GALNTL6: variants seen among roughly 807,000 people sequenced by gnomAD.
The protein encoded by GALNTL6 is polypeptide N-acetylgalactosaminyltransferase-like 6.
In GALNTL6, 46 loss-of-function variants were observed where a neutral mutation model predicts 73.7. The ratio of observed to expected loss-of-function variants is 0.62; its 90% CI spans 0.49 to 0.80. The LOEUF (loss-of-function observed/expected upper bound fraction) is 0.80, where lower values mean the gene tolerates loss of function less well. Ranked by LOEUF, GALNTL6 falls within the 30% of genes least tolerant of loss-of-function variation. The pLI is 0.00. For synonymous variants in GALNTL6, 259 were observed against 263.7 expected (o/e 0.98, Z 0.17); for missense variants, 604 against 755.0 (o/e 0.80, Z 2.34).
At chr4:172,902,225 G>C (rs1318481400) in intron 8 of GALNTL6, among the ~76,000 whole-genome samples, 2 of 152,042 alleles carry the variant, frequency 1.3e-5, no homozygotes, top group Non-Finnish European at 2.9e-5. Flanking sequence ...ACCACCACAA[G>C]TCTCTAATTT....
chr4:171,869,170 T>G (rs111594531), intron 2 of GALNTL6, among the ~76,000 whole-genome samples: 17 of 152,292 alleles, frequency 1.1e-4, no homozygotes, highest in African/African-American at 4.1e-4. Context: ...TTTTTATAAT[T>G]CTCAGAGGAA....
At chr4:171,904,813 T>A (rs1483277030) in intron 2 of GALNTL6, among the ~76,000 whole-genome samples, 7 of 152,060 alleles carry the variant, frequency 4.6e-5, no homozygotes, top group African/African-American at 1.7e-4. Context: ...AAACTCTACA[T>A]GCCAGAAGAG....
At chr4:171,893,653 C>A (rs1393054119) in intron 2 of GALNTL6, among the ~76,000 whole-genome samples, 1 of 151,912 alleles carries the variant, frequency 6.6e-6, no homozygotes, top group Admixed American at 6.6e-5. Flanking sequence ...TTAATTGAAG[C>A]AAAATGCTTT....
chr4:171,825,838 G>A (rs1256700654), intron 2 of GALNTL6, among the ~76,000 whole-genome samples: 2 of 152,082 alleles, frequency 1.3e-5, no homozygotes, highest in African/African-American at 4.8e-5. Flanking sequence ...CTTTTGCTTC[G>A]TAAAAAACAT....
intron 5 of GALNTL6, among the ~76,000 whole-genome samples, chr4:172,357,996 A>G (rs1199675526): frequency 6.6e-6 from 1 of 151,852 alleles, no homozygotes; most frequent in East Asian, 1.9e-4. Flanking sequence ...CCAAGTTGAA[A>G]CTCTGCTTCT....
At chr4:172,203,429 G>A (rs1482577692) in intron 2 of GALNTL6, among the ~76,000 whole-genome samples, 1 of 152,098 alleles carries the variant, frequency 6.6e-6, no homozygotes, top group African/African-American at 2.4e-5. Flanking sequence ...AACGATGGCG[G>A]TATTTTAAAA....
chr4:173,038,967 G>A (rs148581593), intron 12 of GALNTL6, among the ~76,000 whole-genome samples: 94 of 152,286 alleles, frequency 6.2e-4, no homozygotes, highest in Admixed American at 1.7e-3. Context: ...ATGTTTTCTT[G>A]TATTATTGGC....
At chr4:172,944,105 C>A (rs1264502717) in intron 9 of GALNTL6, among the ~76,000 whole-genome samples, 2 of 151,870 alleles carry the variant, frequency 1.3e-5, no homozygotes, top group Non-Finnish European at 2.9e-5. Context: ...AGGTATGACA[C>A]CATAGAAAAA....
intron 2 of GALNTL6, among the ~76,000 whole-genome samples, chr4:172,081,943 C>G (rs1025204835): frequency 1.3e-5 from 2 of 150,712 alleles, no homozygotes; most frequent in African/African-American, 4.9e-5. Context: ...ATGGCTCAAT[C>G]TCTGCTCACT....
intron 5 of GALNTL6, among the ~76,000 whole-genome samples, chr4:172,678,944 C>G (rs930609401): frequency 2.0e-5 from 3 of 152,158 alleles, no homozygotes; most frequent in Non-Finnish European, 4.4e-5. Flanking sequence ...AAAACATACT[C>G]TGGTACAACT....
At position 172,889,266 on chromosome 4, in the gene GALNTL6, T is replaced by C. The variant is rs917076258; in HGVS notation, c.1041+6359T>C. On this transcript the variant is annotated intron_variant, in intron 8 of 12. Coordinates refer to ENST00000506823, the MANE Select transcript of GALNTL6 (RefSeq NM_001034845.3). ...TTTATATTTCTTTCTTTTGCCCAAA[T>C]GCTCTAAGTAGGACTACCAGTACTA... 2.0e-5 allele frequency among the ~76,000 whole-genome samples: 3 copies of C among 152,350 alleles called. No individual in the cohort carries two copies. In the South Asian group the frequency reaches 6.2e-4, roughly 32 times the overall value.
chr4:171,835,233 C>G (rs1245564317), intron 2 of GALNTL6, among the ~76,000 whole-genome samples: 1 of 151,740 alleles, frequency 6.6e-6, no homozygotes, highest in Non-Finnish European at 1.5e-5. Context: ...GAAAAATATA[C>G]AAAGTTCTAC....
At position 172,393,192 on chromosome 4, in the gene GALNTL6, A is replaced by G. The variant is rs577925467; in HGVS notation, c.553+44503A>G. On this transcript the variant is annotated intron_variant, in intron 5 of 12. Coordinates refer to ENST00000506823, the MANE Select transcript of GALNTL6 (RefSeq NM_001034845.3). The stretch of plus-strand genomic sequence containing the variant: ...AAGGGAGCCGCTGCTATATATGAAC[A>G]CAGCAGAGGTGACTATTATAACTTT... Among the ~76,000 whole-genome samples the G allele has an allele frequency of 3.9e-5, 6 of 152,312 alleles. No individual in the cohort carries two copies. In the South Asian group the frequency reaches 1.2e-3, roughly 32 times the overall value.
chr4:172,130,724 A>G (rs1488682553), intron 2 of GALNTL6, among the ~76,000 whole-genome samples: 2 of 152,266 alleles, frequency 1.3e-5, no homozygotes, highest in East Asian at 1.9e-4. Context: ...TAACATGAAA[A>G]TTACCGCAGT....
intron 2 of GALNTL6, among the ~76,000 whole-genome samples, chr4:172,044,275 T>C (rs1037555142): frequency 1.3e-5 from 2 of 151,958 alleles, no homozygotes; most frequent in African/African-American, 4.8e-5. Context: ...TGTTATCCAT[T>C]GAACATTAAA....
intron 4 of GALNTL6, among the ~76,000 whole-genome samples, chr4:172,319,232 T>C (rs1226886958): frequency 1.3e-5 from 2 of 152,230 alleles, no homozygotes; most frequent in Non-Finnish European, 2.9e-5. Context: ...AAGTAATCAC[T>C]AGCACTTAGA....
At chr4:172,005,017 C>A (rs1234655869) in intron 2 of GALNTL6, among the ~76,000 whole-genome samples, 4 of 151,996 alleles carry the variant, frequency 2.6e-5, no homozygotes, top group African/African-American at 9.7e-5. Flanking sequence ...AAATACTGTG[C>A]CTTGTTACGT....
chr4:172,807,305 T>A lies in GALNTL6; in HGVS notation c.554-2056T>A, dbSNP rs550812521. 1.2e-4 allele frequency among the ~76,000 whole-genome samples: 19 copies of A among 152,346 alleles called. 1 individual carries two copies. In the South Asian group the frequency reaches 3.9e-3, roughly 32 times the overall value. ...TGTTAGTCTGTGGCTTGCCACAACT[T>A]CTTCCTTTAATTTGCAAGAGATACA... On this transcript the variant is annotated intron_variant, in intron 5 of 12. Transcript: ENST00000506823.
Position 171,984,873 on chromosome 4 carries a change from C to T in GALNTL6, c.138+170155C>T, listed in dbSNP as rs527672653. Among the ~76,000 whole-genome samples the T allele has an allele frequency of 1.4e-4, 22 of 152,154 alleles. No individual in the cohort carries two copies. The East Asian group carries it at 4.3e-3, about 30-fold the overall frequency. ...CACTCTAAGATAACCCAACTTCTGG[C>T]CAGGCACTGTGGCTCACGCCTGTAA... is the stretch of plus-strand genomic sequence containing the variant. On this transcript the variant is annotated intron_variant, in intron 2 of 12. Transcript: ENST00000506823.
Sources: allele counts gnomAD v4.1 joint callset (sites outside exome capture counted in the v4.1 genomes callset), GRCh38; gene constraint gnomAD v4.1.1; transcripts MANE v1.5; gene names NCBI Gene and HGNC (gene_info 2026-07-23, HGNC 2026-07-21).